The following RBFOX1 variants were observed in gnomAD, a reference collection of about 807,000 sequenced individuals.
RBFOX1 encodes the protein RNA binding protein fox-1 homolog 1.
A neutral mutation model predicts 57.7 loss-of-function variants in RBFOX1; 8 were observed. That is an observed-to-expected ratio of 0.14 (90% CI 0.08 to 0.25). The LOEUF is 0.25. Among genes scored for constraint, RBFOX1 ranks in the 10% least tolerant of loss-of-function variants. The probability of loss-of-function intolerance (pLI) is 1.00; values close to 1 mark genes in which losing one functional copy is unlikely to be tolerated. For missense variants in RBFOX1, 611 were observed against 548.5 expected, an observed-to-expected ratio of 1.11 and a Z score of -1.14; for synonymous variants, 326 against 222.4, an observed-to-expected ratio of 1.47 and a Z score of -4.15.
rs556873278 is a variant in RBFOX1, at chr16:6,834,991, C to G, written c.-16+180341C>G. 6.6e-5 allele frequency among the ~76,000 whole-genome samples: 10 copies of G among 150,558 alleles called. No individual in the cohort carries two copies. The East Asian group carries it at 1.4e-3, about 21-fold the overall frequency. ...CACTGTAAGCTTCATCTCCCAGGTT[C>G]ACGCCATTCTCCTGCCTCAGCCTCC... On this transcript the variant is annotated intron_variant, in intron 3 of 15. Transcript: ENST00000550418.
intron 2 of RBFOX1, among the ~76,000 whole-genome samples, chr16:5,500,933 G>C (rs1175403190): frequency 2.6e-5 from 4 of 152,164 alleles, no homozygotes; most frequent in Admixed American, 2.6e-4. Context: ...ATGGCTGGGA[G>C]AAGTTAAGCC....
At chr16:7,689,519 G>C (rs2076869202) in intron 14 of RBFOX1, among the ~76,000 whole-genome samples, 1 of 152,154 alleles carries the variant, frequency 6.6e-6, no homozygotes, top group Non-Finnish European at 1.5e-5. Flanking sequence ...TAAGTGTATA[G>C]ATTACCAGAC....
chr16:5,503,751 T>A (rs1188564389), intron 2 of RBFOX1, among the ~76,000 whole-genome samples: 1 of 152,114 alleles, frequency 6.6e-6, no homozygotes, highest in South Asian at 2.1e-4. Flanking sequence ...GCCAAGACAA[T>A]GGTTTTAAGT....
At chr16:5,612,477 T>A (rs1467696743) in intron 3 of RBFOX1, among the ~76,000 whole-genome samples, 2 of 152,220 alleles carry the variant, frequency 1.3e-5, no homozygotes, top group Non-Finnish European at 2.9e-5. Context: ...ATTGAGCAGA[T>A]ACTCATACAA....
At chr16:5,364,300 C>T (rs945885282) in intron 1 of RBFOX1, among the ~76,000 whole-genome samples, 4 of 152,304 alleles carry the variant, frequency 2.6e-5, no homozygotes, top group Admixed American at 1.3e-4. Flanking sequence ...GCACAGAAGG[C>T]GCATAGAGTC....
chr16:5,711,309 C>T (rs1276245569), intron 3 of RBFOX1, among the ~76,000 whole-genome samples: 1 of 152,128 alleles, frequency 6.6e-6, no homozygotes, highest in African/African-American at 2.4e-5. Context: ...AAAATGGAGG[C>T]ACAGAGAGGT....
At chr16:7,011,068 AT>A (rs200444462) in intron 3 of RBFOX1, among the ~76,000 whole-genome samples, 1,837 of 145,272 alleles carry the variant, frequency 0.013, 15 homozygotes, top group African/African-American at 0.025. Flanking sequence ...AAGCAAATTC[AT>A]TTTTTTTTTT....
rs1439605511 is a variant in RBFOX1 at position 7,701,598 on chromosome 16, T to G, written c.996-7458T>G. Among the ~76,000 whole-genome samples the G allele has an allele frequency of 5.3e-4, 80 of 152,160 alleles. 1 individual carries two copies. Among genetic ancestry groups the G allele is most frequent in the Non-Finnish European group, 5.9e-5 (4 of 68,016 alleles). Reference sequence around the variant, plus strand: ...CCTGGTGCCAAGAAGGCCAGGGACTTCTCCTCTAGGTGTTTAGGGACTGGT... The same window carrying G: ...CCTGGTGCCAAGAAGGCCAGGGACTGCTCCTCTAGGTGTTTAGGGACTGGT... On this transcript the variant is annotated intron_variant, in intron 14 of 15. Coordinates refer to ENST00000550418, the MANE Select transcript of RBFOX1 (RefSeq NM_018723.4).
chr16:6,266,637 C>G lies in RBFOX1; in HGVS notation c.-126-50358C>G, dbSNP rs138009745. 9.2e-3 allele frequency among the ~76,000 whole-genome samples: 1,401 copies of G among 151,822 alleles called. 27 individuals are homozygous for G. Among genetic ancestry groups the G allele is most frequent in the African/African-American group, 0.032 (1,318 of 41,364 alleles). On this transcript the variant is annotated intron_variant, in intron 1 of 15. Transcript: ENST00000550418. ...GCTGAGGCAGGAGAGTCCCTTGAAC[C>G]CAGGAGGCGAAGGTTGCAGTGAGCT...
At chr16:6,188,760 C>T (rs2097123724) in intron 1 of RBFOX1, among the ~76,000 whole-genome samples, 1 of 152,158 alleles carries the variant, frequency 6.6e-6, no homozygotes, top group African/African-American at 2.4e-5. Context: ...GTATCAGTGT[C>T]ATCTTTAAAT....
chr16:6,564,127 C>T (rs929556142), intron 2 of RBFOX1, among the ~76,000 whole-genome samples: 1 of 152,058 alleles, frequency 6.6e-6, no homozygotes, highest in Non-Finnish European at 1.5e-5. Context: ...TTGTTCTAGG[C>T]TCTTTAATTT....
At chr16:7,001,254 C>G (rs905108570) in intron 3 of RBFOX1, among the ~76,000 whole-genome samples, 1 of 152,028 alleles carries the variant, frequency 6.6e-6, no homozygotes, top group Non-Finnish European at 1.5e-5. Flanking sequence ...TCTGCTGTCT[C>G]CTTGTTCAGA....
intron 2 of RBFOX1, among the ~76,000 whole-genome samples, chr16:5,598,554 GTCTT>G (rs1251096543): frequency 2.4e-4 from 36 of 152,166 alleles, no homozygotes; most frequent in African/African-American, 7.9e-4. Context: ...ATTATTAAAT[GTCTT>G]TCTAACATGT....
At chr16:5,434,657 TA>T (rs577915786) in intron 1 of RBFOX1, among the ~76,000 whole-genome samples, 1 of 152,190 alleles carries the variant, frequency 6.6e-6, no homozygotes, top group Admixed American at 6.5e-5. Context: ...AATTGTGTGC[TA>T]ATAACCTTAT....
chr16:7,706,716 A>T (rs1568592770), intron 14 of RBFOX1, among the ~76,000 whole-genome samples: 1 of 152,160 alleles, frequency 6.6e-6, no homozygotes, highest in African/African-American at 2.4e-5. Context: ...GCTTTGCCAA[A>T]TTTAAGTACC....
intron 2 of RBFOX1, among the ~76,000 whole-genome samples, chr16:5,499,163 G>A (rs893751927): frequency 1.3e-5 from 2 of 152,148 alleles, no homozygotes; most frequent in South Asian, 2.1e-4. Context: ...AAGCTCTGAG[G>A]GTAGAAACTG....
At chr16:6,015,027 T>G (rs1334843092), upstream of RBFOX1, among the ~76,000 whole-genome samples, 1 of 151,944 alleles carries the variant, frequency 6.6e-6, no homozygotes, top group Non-Finnish European at 1.5e-5. Context: ...GGCTAATATT[T>G]TAAATTTCTT....
At chr16:5,436,061 C>T (rs1043451962) in intron 1 of RBFOX1, among the ~76,000 whole-genome samples, 4 of 152,134 alleles carry the variant, frequency 2.6e-5, no homozygotes, top group African/African-American at 4.8e-5. Flanking sequence ...AAAACAAGCC[C>T]GTCTTCATAT....
At chr16:5,998,469 C>G (rs975579281) in intron 4 of RBFOX1, among the ~76,000 whole-genome samples, 2 of 152,210 alleles carry the variant, frequency 1.3e-5, no homozygotes, top group Admixed American at 1.3e-4. Context: ...GTGTTTAGAA[C>G]TAGAAGAGGC....
Sources: gnomAD v4.1 joint callset for allele counts (sites outside exome capture counted in the v4.1 genomes callset) on GRCh38, gnomAD v4.1.1 for gene constraint, MANE v1.5 for transcripts, NCBI Gene and HGNC (gene_info 2026-07-23, HGNC 2026-07-21) for gene names.